Variants in RBFOX1 observed in about 807,000 individuals in gnomAD.
RBFOX1 encodes the protein RNA binding protein fox-1 homolog 1.
RBFOX1 carries 8 observed loss-of-function variants against 57.7 expected under a neutral mutation model. The observed-to-expected ratio is 0.14, with a 90% CI of 0.08 to 0.25. RBFOX1 has a LOEUF of 0.25. RBFOX1 is among the 10% of genes least tolerant of loss of function. The pLI is 1.00. For missense variants in RBFOX1, 611 were observed against 548.5 expected, an observed-to-expected ratio of 1.11 and a Z score of -1.14; for synonymous variants, 326 against 222.4, an observed-to-expected ratio of 1.47 and a Z score of -4.15.
At chr16:6,318,881 C>T (rs1399084572) in intron 2 of RBFOX1, among the ~76,000 whole-genome samples, 2 of 151,430 alleles carry the variant, frequency 1.3e-5, no homozygotes, top group Non-Finnish European at 2.9e-5. Context: ...GGGTATTGAT[C>T]CCTCTTAGTG....
At chr16:6,358,940 A>G (rs771795973) in intron 2 of RBFOX1, among the ~76,000 whole-genome samples, 54 of 152,220 alleles carry the variant, frequency 3.5e-4, no homozygotes, top group Non-Finnish European at 6.0e-4. Context: ...AGATTCTGGC[A>G]TCTGTTTTCT....
At chr16:7,427,471 C>G (rs1182152826) in intron 4 of RBFOX1, among the ~76,000 whole-genome samples, 1 of 152,010 alleles carries the variant, frequency 6.6e-6, no homozygotes, top group Non-Finnish European at 1.5e-5. Flanking sequence ...CGGTGACTTG[C>G]TTAACAACTG....
At chr16:5,810,981 A>C (rs2055404026) in intron 3 of RBFOX1, among the ~76,000 whole-genome samples, 1 of 152,036 alleles carries the variant, frequency 6.6e-6, no homozygotes, top group Non-Finnish European at 1.5e-5. Flanking sequence ...GGATAATGAA[A>C]ATATCCATCA....
chr16:6,378,282 C>T (rs2152909367), intron 2 of RBFOX1, among the ~76,000 whole-genome samples: 1 of 152,336 alleles, frequency 6.6e-6, no homozygotes, highest in African/African-American at 2.4e-5. Flanking sequence ...GCTCACCTTT[C>T]ACCTCTCACG....
intron 1 of RBFOX1, among the ~76,000 whole-genome samples, chr16:6,283,999 A>G (rs1375448057): frequency 2.6e-5 from 4 of 151,956 alleles, no homozygotes; most frequent in Non-Finnish European, 5.9e-5. Flanking sequence ...GATCTTAGTG[A>G]GCTGTGGATG....
chr16:5,820,539 A>G (rs2055810989), intron 3 of RBFOX1, among the ~76,000 whole-genome samples: 2 of 152,104 alleles, frequency 1.3e-5, no homozygotes, highest in African/African-American at 4.8e-5. Context: ...TCTTTTCATC[A>G]TCAGCCTAAC....
intron 3 of RBFOX1, among the ~76,000 whole-genome samples, chr16:6,958,731 C>T (rs1176939513): frequency 2.0e-5 from 3 of 152,062 alleles, no homozygotes; most frequent in African/African-American, 7.2e-5. Context: ...TATGCCGCTT[C>T]AGAAATCTTT....
chr16:7,652,097 C>T (rs1337916907), intron 11 of RBFOX1, among the ~76,000 whole-genome samples: 3 of 151,892 alleles, frequency 2.0e-5, no homozygotes, highest in African/African-American at 7.3e-5. Flanking sequence ...CAGGCATCCT[C>T]TGCGGACACA....
intron 4 of RBFOX1, among the ~76,000 whole-genome samples, chr16:7,458,231 G>C (rs2058908575): frequency 6.6e-6 from 1 of 152,098 alleles, no homozygotes; most frequent in African/African-American, 2.4e-5. Flanking sequence ...CCCTAAGTGT[G>C]TCCTTAAGGT....
chr16:7,532,694 C>T (rs7186977), intron 5 of RBFOX1, among the ~76,000 whole-genome samples: 13,176 of 152,220 alleles, frequency 0.087, 1,554 homozygotes, highest in African/African-American at 0.27. Flanking sequence ...TGGGCCGATT[C>T]CTGCCTGCGA....
chr16:6,407,538 G>A (rs2093325065), intron 2 of RBFOX1, among the ~76,000 whole-genome samples: 1 of 66,318 alleles, frequency 1.5e-5, no homozygotes. Flanking sequence ...GGGAAGGAGA[G>A]GGGTGTGTGT....
At chr16:5,415,227 A>G (rs2067130776) in intron 1 of RBFOX1, among the ~76,000 whole-genome samples, 1 of 152,192 alleles carries the variant, frequency 6.6e-6, no homozygotes, top group Admixed American at 6.5e-5. Context: ...GAAACTTACA[A>G]TCATGGCAGA....
downstream of RBFOX1, among the ~76,000 whole-genome samples, chr16:5,602,238 C>T (rs1408414525): frequency 6.6e-6 from 1 of 152,194 alleles, no homozygotes; most frequent in Non-Finnish European, 1.5e-5. Context: ...CAGATTGCCT[C>T]ACATTCACAT....
chr16:7,032,915 G>C (rs1285809512), intron 3 of RBFOX1, among the ~76,000 whole-genome samples: 1 of 152,174 alleles, frequency 6.6e-6, no homozygotes, highest in African/African-American at 2.4e-5. Flanking sequence ...TTTTGGGAAG[G>C]AGGCTTTTCC....
At chr16:5,319,507 G>A (rs925982721) in intron 1 of RBFOX1, among the ~76,000 whole-genome samples, 1 of 152,156 alleles carries the variant, frequency 6.6e-6, no homozygotes, top group South Asian at 2.1e-4. Context: ...AGTCTCAGGA[G>A]CCATCTCCAA....
intron 2 of RBFOX1, among the ~76,000 whole-genome samples, chr16:6,407,953 C>T (rs1468752930): frequency 6.6e-6 from 1 of 152,082 alleles, no homozygotes; most frequent in African/African-American, 2.4e-5. Flanking sequence ...GAGCTGGAGG[C>T]TTTAGGAGGT....
intron 2 of RBFOX1, among the ~76,000 whole-genome samples, chr16:6,637,794 A>G (rs1269943341): frequency 6.6e-6 from 1 of 151,942 alleles, no homozygotes; most frequent in African/African-American, 2.4e-5. Flanking sequence ...GCAGGAGGGC[A>G]GGATATTCCA....
chr16:6,296,075 G>A (rs533467408), intron 1 of RBFOX1, among the ~76,000 whole-genome samples: 31 of 152,300 alleles, frequency 2.0e-4, no homozygotes, highest in Middle Eastern at 3.4e-3. Context: ...CCTTTCAGCC[G>A]TACAAGCAGT....
chr16:5,954,894 G>C (rs1456737940), intron 4 of RBFOX1, among the ~76,000 whole-genome samples: 2 of 151,808 alleles, frequency 1.3e-5, no homozygotes, highest in Non-Finnish European at 2.9e-5. Flanking sequence ...ATTTAGGCAA[G>C]GGTCTCACTG....
Sources: allele counts gnomAD v4.1 joint callset (sites outside exome capture counted in the v4.1 genomes callset), GRCh38; gene constraint gnomAD v4.1.1; transcripts MANE v1.5; gene names NCBI Gene and HGNC (gene_info 2026-07-23, HGNC 2026-07-21).